TMEM132D: variants seen among roughly 807,000 people sequenced by gnomAD.
TMEM132D encodes the protein mature OL transmembrane protein.
Under a neutral mutation model 62.3 loss-of-function variants are expected in TMEM132D, and 21 were observed. That is an observed-to-expected ratio of 0.34 (90% CI 0.24 to 0.49). The LOEUF (loss-of-function observed/expected upper bound fraction) is 0.49. Ranked by LOEUF, TMEM132D falls within the 20% of genes least tolerant of loss-of-function variation. The pLI, the probability that TMEM132D is intolerant of heterozygous loss-of-function variation, is 0.99. For missense variants in TMEM132D, 1,346 were observed against 1,402.8 expected, an observed-to-expected ratio of 0.96 and a Z score of 0.65; for synonymous variants, 621 against 575.6, an observed-to-expected ratio of 1.08 and a Z score of -1.13.
chr12:129,302,264 A>G (rs756902034), intron 4 of TMEM132D, among the ~76,000 whole-genome samples: 30 of 152,288 alleles, frequency 2.0e-4, no homozygotes, highest in Non-Finnish European at 3.8e-4. Flanking sequence ...ATAGGTGTGC[A>G]CCACCATACC....
chr12:129,440,777 G>A (rs1207671726), intron 3 of TMEM132D, among the ~76,000 whole-genome samples: 1 of 152,178 alleles, frequency 6.6e-6, no homozygotes, highest in Admixed American at 6.5e-5. Flanking sequence ...GATGTATAGA[G>A]AGTTCTACAC....
chr12:129,654,464 C>T (rs538069022), intron 2 of TMEM132D, among the ~76,000 whole-genome samples: 1 of 152,214 alleles, frequency 6.6e-6, no homozygotes, highest in East Asian at 1.9e-4. Flanking sequence ...TAGATCTATG[C>T]TTTGTACATG....
chr12:129,416,987 T>C (rs1156624639), intron 3 of TMEM132D, among the ~76,000 whole-genome samples: 1 of 152,222 alleles, frequency 6.6e-6, no homozygotes, highest in Non-Finnish European at 1.5e-5. Context: ...TTATCAGGAA[T>C]ATTGGCCTGA....
At chr12:129,222,938 T>G (rs10847806) in intron 4 of TMEM132D, among the ~76,000 whole-genome samples, 46,783 of 152,026 alleles carry the variant, frequency 0.31, 7,745 homozygotes, top group Middle Eastern at 0.42. Context: ...CTCTGGGAAC[T>G]AATGAATTTA....
At chr12:129,612,913 G>C (rs577960958) in intron 2 of TMEM132D, among the ~76,000 whole-genome samples, 1 of 152,146 alleles carries the variant, frequency 6.6e-6, no homozygotes, top group Non-Finnish European at 1.5e-5. Context: ...TTGCCCAAAG[G>C]TTTTGTCAAT....
chr12:129,326,169 A>G (rs573764132), intron 4 of TMEM132D, among the ~76,000 whole-genome samples: 27 of 152,238 alleles, frequency 1.8e-4, no homozygotes, highest in Admixed American at 1.1e-3. Context: ...ATGGGGTGAC[A>G]TATAGTCAGA....
chr12:129,307,979 T>A (rs1278770838), intron 4 of TMEM132D, among the ~76,000 whole-genome samples: 1 of 152,248 alleles, frequency 6.6e-6, no homozygotes, highest in Non-Finnish European at 1.5e-5. Flanking sequence ...TCTCTCGAAC[T>A]CATTGCATTC....
At chr12:129,734,277 GA>G (rs1225426855) in intron 1 of TMEM132D, among the ~76,000 whole-genome samples, 1 of 152,208 alleles carries the variant, frequency 6.6e-6, no homozygotes, top group Non-Finnish European at 1.5e-5. Context: ...AGGCCACCAT[GA>G]TGTCCAAAAG....
At chr12:129,577,781 C>G (rs269156) in intron 2 of TMEM132D, among the ~76,000 whole-genome samples, 129,418 of 152,170 alleles carry the variant, frequency 0.85, 55,160 homozygotes, top group East Asian at 0.99. Flanking sequence ...GTTTCAAACT[C>G]TGTTGTTCAA....
At chr12:129,087,878 T>G (rs1874676964) in intron 5 of TMEM132D, among the ~76,000 whole-genome samples, 1 of 133,494 alleles carries the variant, frequency 7.5e-6, no homozygotes. Flanking sequence ...TGACCGGGTG[T>G]CCTCCCTGAC....
At chr12:129,731,080 G>A (rs1448089176) in intron 1 of TMEM132D, among the ~76,000 whole-genome samples, 1 of 151,978 alleles carries the variant, frequency 6.6e-6, no homozygotes, top group East Asian at 1.9e-4. Context: ...ATACACCAGG[G>A]GTGTGCTCTC....
At chr12:129,417,005 T>C (rs952685867) in intron 3 of TMEM132D, among the ~76,000 whole-genome samples, 3 of 152,208 alleles carry the variant, frequency 2.0e-5, no homozygotes, top group Admixed American at 2.0e-4. Context: ...TGAAATTTTC[T>C]TTTTTGTTGT....
chr12:129,524,987 G>A (rs1334072931), intron 3 of TMEM132D, among the ~76,000 whole-genome samples: 4 of 125,958 alleles, frequency 3.2e-5, no homozygotes, highest in African/African-American at 6.1e-5. Flanking sequence ...GTGCAGTGGC[G>A]CGATCTTGGC....
intron 4 of TMEM132D, among the ~76,000 whole-genome samples, chr12:129,321,171 G>A (rs61943937): frequency 6.6e-6 from 1 of 152,128 alleles, no homozygotes; most frequent in East Asian, 1.9e-4. Flanking sequence ...GAAGATAAAT[G>A]AAAGCTAGAC....
chr12:129,898,347 T>G (rs1006600199), intron 1 of TMEM132D, among the ~76,000 whole-genome samples: 14 of 152,100 alleles, frequency 9.2e-5, no homozygotes, highest in African/African-American at 3.4e-4. Context: ...AAAATACCCA[T>G]TTTTTTGTCC....
intron 4 of TMEM132D, among the ~76,000 whole-genome samples, chr12:129,332,410 C>T (rs890711763): frequency 3.9e-5 from 6 of 152,218 alleles, no homozygotes; most frequent in Non-Finnish European, 7.4e-5. Context: ...AAGTAGCTTT[C>T]GATGCAAGCA....
At chr12:129,344,354 T>C (rs956290300) in intron 3 of TMEM132D, among the ~76,000 whole-genome samples, 5 of 152,120 alleles carry the variant, frequency 3.3e-5, no homozygotes, top group African/African-American at 1.2e-4. Context: ...AAACCCCAAA[T>C]GGATGATACT....
intron 1 of TMEM132D, among the ~76,000 whole-genome samples, chr12:129,709,128 C>A (rs1283098828): frequency 7.9e-5 from 12 of 152,118 alleles, no homozygotes; most frequent in Admixed American, 7.9e-4. Flanking sequence ...GACTGAGCTG[C>A]TGCAAGTTTC....
At chr12:129,859,817 G>A (rs1013628588) in intron 1 of TMEM132D, among the ~76,000 whole-genome samples, 9 of 152,174 alleles carry the variant, frequency 5.9e-5, no homozygotes, top group African/African-American at 2.2e-4. Flanking sequence ...AGGCTGATTG[G>A]TGGTTGCACT....
Sources: allele counts gnomAD v4.1 joint callset (sites outside exome capture counted in the v4.1 genomes callset), GRCh38; gene constraint gnomAD v4.1.1; transcripts MANE v1.5; gene names NCBI Gene and HGNC (gene_info 2026-07-23, HGNC 2026-07-21).